Variants in PRKCH observed in about 807,000 individuals in gnomAD.
PRKCH encodes the protein protein kinase C eta type.
A neutral mutation model predicts 82.5 loss-of-function variants in PRKCH; 28 were observed. The ratio of observed to expected loss-of-function variants is 0.34; its 90% confidence interval spans 0.25 to 0.47. The LOEUF (loss-of-function observed/expected upper bound fraction) is 0.47. Among genes scored for constraint, PRKCH ranks in the 20% least tolerant of loss-of-function variants. The pLI, the probability that PRKCH is intolerant of heterozygous loss-of-function variation, is 1.00. For synonymous variants in PRKCH, 322 were observed against 327.4 expected (o/e 0.98, Z 0.18); for missense variants, 705 against 881.8 (o/e 0.80, Z 2.54).
chr14:61,356,186 C>T lies in PRKCH; in HGVS notation c.363+33722C>T, dbSNP rs528151435. On this transcript the variant is annotated intron_variant, in intron 1 of 13. Coordinates refer to ENST00000332981, the MANE Select transcript of PRKCH (RefSeq NM_006255.5). Reference sequence around the variant, plus strand: ...GGAACAGGAGGGTGACCTTACATTTCCATTGTTTTGCAGGCTGCCTGGTCG... The same window carrying T: ...GGAACAGGAGGGTGACCTTACATTTTCATTGTTTTGCAGGCTGCCTGGTCG... Among the ~76,000 whole-genome samples, 26 of 152,220 alleles carry T rather than the reference C, an allele frequency of 1.7e-4. No individual in the cohort carries two copies. In the South Asian group the frequency reaches 4.8e-3, roughly 28 times the overall value.
At chr14:61,349,728 G>A (rs1051381631) in intron 1 of PRKCH, among the ~76,000 whole-genome samples, 1 of 152,166 alleles carries the variant, frequency 6.6e-6, no homozygotes, top group Non-Finnish European at 1.5e-5. Flanking sequence ...GGGCATGGAA[G>A]TGTACACCTG....
At chr14:61,499,888 T>TAA (rs5809100) in intron 10 of PRKCH, among the ~76,000 whole-genome samples, 12,860 of 147,524 alleles carry the variant, frequency 0.087, 1,059 homozygotes, top group African/African-American at 0.22. Context: ...GGGGTAGACT[T>TAA]AAAAAAAAAA....
intron 9 of PRKCH, among the ~76,000 whole-genome samples, chr14:61,483,511 G>A (rs1444552475): frequency 6.6e-6 from 1 of 152,110 alleles, no homozygotes; most frequent in African/African-American, 2.4e-5. Context: ...TTCTTGCTTC[G>A]CTTTTAGCAG....
intron 2 of PRKCH, among the ~76,000 whole-genome samples, chr14:61,393,438 T>C (rs867240126): frequency 6.6e-6 from 1 of 152,340 alleles, no homozygotes; most frequent in Middle Eastern, 3.4e-3. Context: ...GTGGACATGG[T>C]CTTTGCTCGT....
At chr14:61,513,622 A>G (rs1036189737) in intron 10 of PRKCH, among the ~76,000 whole-genome samples, 6 of 152,160 alleles carry the variant, frequency 3.9e-5, no homozygotes, top group Non-Finnish European at 7.3e-5. Flanking sequence ...TTAAAAGTAA[A>G]TTACTAGAAA....
At chr14:61,404,790 G>A (rs115296199) in intron 2 of PRKCH, among the ~76,000 whole-genome samples, 2,530 of 152,242 alleles carry the variant, frequency 0.017, 59 homozygotes, top group African/African-American at 0.058. Context: ...AGAAAGGGAG[G>A]GAGTGGACCT....
intron 1 of PRKCH, among the ~76,000 whole-genome samples, chr14:61,370,414 G>A (rs1235943426): frequency 6.6e-6 from 1 of 152,074 alleles, no homozygotes; most frequent in Non-Finnish European, 1.5e-5. Flanking sequence ...ATGCCAGTTT[G>A]CTAGGCCTGG....
At chr14:61,264,545 A>G (rs1272723993) in intron 1 of PRKCH, among the ~76,000 whole-genome samples, 1 of 152,230 alleles carries the variant, frequency 6.6e-6, no homozygotes, top group Non-Finnish European at 1.5e-5. Flanking sequence ...AAAATCAGCT[A>G]GGGAATTTGC....
chr14:61,210,804 G>A (rs2044571946), intron 1 of PRKCH, among the ~76,000 whole-genome samples: 1 of 151,838 alleles, frequency 6.6e-6, no homozygotes. Flanking sequence ...GTGTGTGTGT[G>A]TGTGTGTGTG....
At chr14:61,277,742 A>C (rs1362681021) in intron 1 of PRKCH, 1 of 152,238 alleles carries the variant, frequency 6.6e-6, no homozygotes, top group Non-Finnish European at 1.5e-5. Context: ...GTTTATATAC[A>C]TGTTGAGGTT....
intron 7 of PRKCH, among the ~76,000 whole-genome samples, chr14:61,453,921 G>C (rs1174057110): frequency 1.3e-5 from 2 of 152,012 alleles, no homozygotes; most frequent in African/African-American, 4.8e-5. Flanking sequence ...GCCTCCCAAA[G>C]TGTTGGGATT....
chr14:61,435,968 G>A (rs1447494812), intron 2 of PRKCH, among the ~76,000 whole-genome samples: 2 of 152,192 alleles, frequency 1.3e-5, no homozygotes, highest in Non-Finnish European at 2.9e-5. Context: ...GGACTGAGAA[G>A]GGGAGAGTTT....
At chr14:61,206,404 C>G (rs2044524353) in intron 1 of PRKCH, among the ~76,000 whole-genome samples, 1 of 152,214 alleles carries the variant, frequency 6.6e-6, no homozygotes, top group African/African-American at 2.4e-5. Context: ...TGTGCCCTCT[C>G]CTCTTCTTAT....
At chr14:61,442,090 AATT>A (rs1289445250) in intron 2 of PRKCH, among the ~76,000 whole-genome samples, 1 of 152,062 alleles carries the variant, frequency 6.6e-6, no homozygotes, top group African/African-American at 2.4e-5. Flanking sequence ...TTTTTTAGCA[AATT>A]ATTATTTCAT....
At chr14:61,189,221 A>G (rs540707286) in intron 1 of PRKCH, among the ~76,000 whole-genome samples, 3 of 152,182 alleles carry the variant, frequency 2.0e-5, no homozygotes, top group Non-Finnish European at 4.4e-5. Context: ...TGGGAATCCC[A>G]GCGGGGTCCC....
chr14:61,318,760 C>T (rs201288111), upstream of PRKCH, among the ~76,000 whole-genome samples: 20 of 152,248 alleles, frequency 1.3e-4, no homozygotes, highest in East Asian at 3.5e-3. Flanking sequence ...TCCCCACACT[C>T]GTGCTGCTTC....
intron 1 of PRKCH, among the ~76,000 whole-genome samples, chr14:61,239,310 C>T (rs537784517): frequency 5.9e-5 from 9 of 152,286 alleles, no homozygotes; most frequent in South Asian, 4.2e-4. Flanking sequence ...GTTCAAACCC[C>T]GAGAGCGGGC....
chr14:61,313,857 T>A (rs1264236704), intron 1 of PRKCH, among the ~76,000 whole-genome samples: 1 of 152,112 alleles, frequency 6.6e-6, no homozygotes, highest in African/African-American at 2.4e-5. Context: ...TCCCACTGGG[T>A]CCCTCCTACA....
chr14:61,506,311 G>A (rs561141822), intron 10 of PRKCH, among the ~76,000 whole-genome samples: 10 of 152,244 alleles, frequency 6.6e-5, no homozygotes, highest in Non-Finnish European at 1.3e-4. Flanking sequence ...ATATTGCGGC[G>A]GTACTTCAGT....
Sources: gnomAD v4.1 joint callset for allele counts (sites outside exome capture counted in the v4.1 genomes callset) on GRCh38, gnomAD v4.1.1 for gene constraint, MANE v1.5 for transcripts, NCBI Gene and HGNC (gene_info 2026-07-23, HGNC 2026-07-21) for gene names.